CCDC82: variants seen among roughly 807,000 people sequenced by gnomAD.
CCDC82 encodes the protein coiled-coil domain containing 82.
A neutral mutation model predicts 60.6 loss-of-function variants in CCDC82; 47 were observed. The observed-to-expected ratio is 0.77, with a 90% CI of 0.61 to 0.99. The LOEUF (loss-of-function observed/expected upper bound fraction) is 0.99. Among genes scored for constraint, CCDC82 ranks in the 50% least tolerant of loss-of-function variants. The probability of loss-of-function intolerance (pLI) is 0.00; values close to 1 mark genes in which losing one functional copy is unlikely to be tolerated. For synonymous variants in CCDC82, 212 were observed against 207.4 expected (o/e 1.02, Z -0.19); for missense variants, 588 against 633.0 (o/e 0.93, Z 0.76).
chr11:96,354,474 T>C (rs1465937284), intron 9 of CCDC82: 1 of 152,186 alleles, frequency 6.6e-6, no homozygotes, highest in Non-Finnish European at 1.5e-5. Context: ...TAATGGAAAG[T>C]TGCTAAAGGT....
At chr11:96,353,893 T>A (rs528725376) in intron 9 of CCDC82, 179 bp from the exon 10 acceptor site, 1 of 449,266 alleles carries the variant, frequency 2.2e-6, no homozygotes, top group Non-Finnish European at 3.9e-6. Context: ...ATATAACTCA[T>A]ATATTTCCAT....
chr11:96,381,173 T>C (rs1865861267), intron 5 of CCDC82: 2 of 151,696 alleles, frequency 1.3e-5, no homozygotes, highest in Non-Finnish European at 3.0e-5. Flanking sequence ...TTTCCATTAA[T>C]TGGCAGGAGT....
At position 96,384,519 on chromosome 11, in the gene CCDC82, T is replaced by A; in HGVS notation, c.229A>T (p.Lys77Ter). ...AGCTCTCTTTCACTTCCTGGTGTTT[T>A]ATTACAATCAGGTCCCTTGTTACTA... ...LDSNKGPDCNKTPGSERELNL... is the reference protein window; with the variant it reads ...LDSNKGPDCN The change falls in exon 4 of 10, where the codon AAA (lysine) becomes TAA (stop). Residue 77 changes from lysine to a stop codon, truncating the protein, a stop_gained. Transcript: ENST00000646818. LOFTEE classifies it high-confidence loss of function. 1 of 1,613,822 alleles carries A rather than the reference T, an allele frequency of 6.2e-7. No homozygotes were observed. Among genetic ancestry groups the A allele is most frequent in the Non-Finnish European group, 8.5e-7 (1 of 1,179,826 alleles).
At chr11:96,358,420 G>C (rs1204120756) in intron 9 of CCDC82, 1 of 1,227,828 alleles carries the variant, frequency 8.1e-7, no homozygotes, top group Non-Finnish European at 1.0e-6. Flanking sequence ...ATCAAATTTA[G>C]TGATCAATAG....
rs1478491235 is a variant in CCDC82, at chr11:96,383,415, T to C, written c.845A>G (p.Asp282Gly). 3.4e-5 allele frequency: 55 copies of C among 1,602,724 alleles called. No homozygotes were observed. The highest frequency in any genetic ancestry group is 4.7e-5 in the Non-Finnish European group (55 of 1,173,618). Reference sequence around the variant, plus strand: ...TCCATCTTCATCAGATTCATAATTATCCTCTTCTTCCTCCTCATCAACTTC... The same window carrying C: ...TCCATCTTCATCAGATTCATAATTACCCTCTTCTTCCTCCTCATCAACTTC... ...SDEVDEEEEE[D>G]NYESDEDGDD... is the part of the protein sequence containing the mutation. Residue 282 changes from aspartate (D) to glycine (G), a missense_variant, in exon 5 of 10, where the codon GAT (aspartate) becomes GGT (glycine). Asp to Gly is a moderately conservative substitution (Grantham distance 94). Transcript: ENST00000646818.
intron 5 of CCDC82, among the ~76,000 whole-genome samples, chr11:96,376,361 G>A (rs77632298): frequency 0.041 from 6,128 of 151,000 alleles, 135 homozygotes; most frequent in Middle Eastern, 0.071. Context: ...TTGTCTCTCC[G>A]CTTATCCATG....
At chr11:96,385,698 T>C (rs1228478805) in intron 3 of CCDC82, 1 of 152,068 alleles carries the variant, frequency 6.6e-6, no homozygotes, top group Non-Finnish European at 1.5e-5. Flanking sequence ...CAGAGCATAG[T>C]ATTGGGAAGG....
At chr11:96,364,735 T>C (rs1191842850) in intron 8 of CCDC82, 2 of 344,396 alleles carry the variant, frequency 5.8e-6, no homozygotes, top group South Asian at 4.3e-5. Flanking sequence ...GCATCTTAAC[T>C]ATGTGGTGAT....
At chr11:96,365,756 C>T (rs1432577149) in intron 7 of CCDC82, among the ~76,000 whole-genome samples, 2 of 152,164 alleles carry the variant, frequency 1.3e-5, no homozygotes, top group African/African-American at 2.4e-5. Flanking sequence ...CATAAATAAG[C>T]TTCATTATTA....
chr11:96,355,465 T>C (rs192339495), intron 9 of CCDC82: 13 of 152,314 alleles, frequency 8.5e-5, no homozygotes, highest in Admixed American at 8.5e-4. Flanking sequence ...CTAGGTCCTA[T>C]ACTAAATGCT....
At chr11:96,373,152 A>T (rs1174693432) in intron 6 of CCDC82, among the ~76,000 whole-genome samples, 2 of 152,164 alleles carry the variant, frequency 1.3e-5, no homozygotes, top group African/African-American at 2.4e-5. Flanking sequence ...AAGGGAAAGG[A>T]CCTGTCACAA....
rs1864183629 is a variant in CCDC82 at position 96,353,471 on chromosome 11, T to G, written c.*175A>C. ...GCTTTTATGTACATCAGATAAAAGTTTAATTAGAGTGTAGAGTGCCACTTC... is the reference window on the plus strand; with the variant it reads ...GCTTTTATGTACATCAGATAAAAGTGTAATTAGAGTGTAGAGTGCCACTTC... On this transcript the variant is annotated 3_prime_UTR_variant, in exon 10 of 10. Coordinates refer to ENST00000646818, the MANE Select transcript of CCDC82 (RefSeq NM_024725.4). 2 of 556,938 alleles carry G rather than the reference T, an allele frequency of 3.6e-6. No homozygotes were observed. The highest frequency in any genetic ancestry group is 6.2e-5 in the East Asian group (2 of 32,502). 34.5% of individuals were successfully genotyped at this position (556,938 alleles called of 1,614,324 possible). A position where few individuals can be genotyped will look rare whatever the true frequency, so the allele number is the denominator to read the frequency against.
intron 8 of CCDC82, among the ~76,000 whole-genome samples, chr11:96,360,133 T>C (rs1269579387): frequency 6.8e-6 from 1 of 147,304 alleles, no homozygotes; most frequent in African/African-American, 2.5e-5. Context: ...TATATTAATA[T>C]ATATTAAATA....
At chr11:96,375,881 G>A (rs1865544855) in intron 5 of CCDC82, among the ~76,000 whole-genome samples, 1 of 152,158 alleles carries the variant, frequency 6.6e-6, no homozygotes, top group Admixed American at 6.5e-5. Flanking sequence ...TATCCAAGGT[G>A]ACATAACTAG....
In CCDC82 at chr11:96,353,679, C is replaced by T. The variant is rs527488096; in HGVS notation, c.1602G>A (p.Ala534=). Reference sequence around the variant, plus strand: ...CAAACTTCTCTTCTTGAAAGTAATCCGCAAAATTGAGATATTCTTCAAGTT... The same window carrying T: ...CAAACTTCTCTTCTTGAAAGTAATCTGCAAAATTGAGATATTCTTCAAGTT... ...YGQLEEYLNF[A]DYFQEEKFEL The change falls in exon 10 of 10, where the codon GCG becomes GCA. Residue 534 remains alanine, a synonymous_variant. Coordinates refer to ENST00000646818, the MANE Select transcript of CCDC82 (RefSeq NM_024725.4). 9.0e-5 allele frequency: 145 copies of T among 1,610,474 alleles called. No individual in the cohort carries two copies. The highest frequency in any genetic ancestry group is 5.3e-5 in the Non-Finnish European group (63 of 1,178,462).
In CCDC82 at chr11:96,359,182, A is replaced by C. The variant is rs373996097; in HGVS notation, c.1381-4T>G. ...AAATTCTGCCAACAGTGAACACCTA[A>C]ATCAAGAAATAAAGATTGTTATCTG... On this transcript the variant is annotated splice_polypyrimidine_tract_variant and splice_region_variant and intron_variant, in intron 8 of 9. Coordinates refer to ENST00000646818, the MANE Select transcript of CCDC82 (RefSeq NM_024725.4). 1.9e-6 allele frequency: 3 copies of C among 1,553,656 alleles called. No homozygotes were observed. In the Admixed American group the frequency reaches 6.9e-5, roughly 36 times the overall value.
Position 96,383,479 on chromosome 11 carries a change from T to G in CCDC82, c.787-6A>C. 1 of 1,536,868 alleles carries G rather than the reference T, an allele frequency of 6.5e-7. No individual in the cohort carries two copies. The highest frequency in any genetic ancestry group is 2.3e-5 in the East Asian group (1 of 44,104). On this transcript the variant is annotated splice_polypyrimidine_tract_variant and splice_region_variant and intron_variant, in intron 4 of 9. Coordinates refer to ENST00000646818, the MANE Select transcript of CCDC82 (RefSeq NM_024725.4). ...CAAGATTCCTTTTCAGAGTCCTAAT[T>G]AAATTAAAATAAATGCTTCAGTAAA...
rs1181649103 is a variant in CCDC82 at position 96,353,674 on chromosome 11, T to C, written c.1607A>G (p.Tyr536Cys). 1.2e-6 allele frequency: 2 copies of C among 1,610,912 alleles called. No individual in the cohort carries two copies. Among genetic ancestry groups the C allele is most frequent in the Non-Finnish European group, 8.5e-7 (1 of 1,178,594 alleles). Residue 536 changes from tyrosine (Y) to cysteine (C), a missense_variant, in exon 10 of 10, where the codon TAC becomes TGC. By Grantham distance (194) the Tyr-to-Cys change is radical (BLOSUM62 -2). Coordinates refer to ENST00000646818, the MANE Select transcript of CCDC82 (RefSeq NM_024725.4). ...CAACTCAAACTTCTCTTCTTGAAAG[T>C]AATCCGCAAAATTGAGATATTCTTC... ...QLEEYLNFAD[Y>C]FQEEKFEL is the part of the protein sequence containing the mutation.
chr11:96,359,185 CA>C lies in CCDC82; in HGVS notation c.1381-8del. 2 of 1,553,078 alleles carry C rather than the reference CA, an allele frequency of 1.3e-6. No individual in the cohort carries two copies. Among genetic ancestry groups the C allele is most frequent in the Non-Finnish European group, 1.7e-6 (2 of 1,159,248 alleles). On this transcript the variant is annotated splice_region_variant and splice_polypyrimidine_tract_variant and intron_variant, in intron 8 of 9. Transcript: ENST00000646818. Reference sequence around the variant, plus strand: ...TTCTGCCAACAGTGAACACCTAAATCAAGAAATAAAGATTGTTATCTGACAA... The same window carrying C: ...TTCTGCCAACAGTGAACACCTAAATCAGAAATAAAGATTGTTATCTGACAA...
Sources: gnomAD v4.1 joint callset for allele counts (sites outside exome capture counted in the v4.1 genomes callset) on GRCh38, gnomAD v4.1.1 for gene constraint, MANE v1.5 for transcripts, NCBI Gene and HGNC (gene_info 2026-07-23, HGNC 2026-07-21) for gene names.